DLC1: variants seen among roughly 807,000 people sequenced by gnomAD.
DLC1 encodes the protein DLC1 Rho GTPase activating protein.
Under a neutral mutation model 140.3 loss-of-function variants are expected in DLC1, and 54 were observed. The observed-to-expected ratio is 0.38, with a 90% CI of 0.31 to 0.48. The LOEUF (loss-of-function observed/expected upper bound fraction) is 0.48, where lower values mean the gene tolerates loss of function less well. Ranked by LOEUF, DLC1 falls within the 20% of genes least tolerant of loss-of-function variation. The pLI, the probability that DLC1 is intolerant of heterozygous loss-of-function variation, is 0.96. For synonymous variants in DLC1, 986 were observed against 728.1 expected, an observed-to-expected ratio of 1.35 and a Z score of -5.70; for missense variants, 2,536 against 1,907.0, an observed-to-expected ratio of 1.33 and a Z score of -6.14.
chr8:13,269,267 C>T (rs1221464400), intron 5 of DLC1, among the ~76,000 whole-genome samples: 2 of 152,132 alleles, frequency 1.3e-5, no homozygotes, highest in Admixed American at 1.3e-4. Context: ...AATTATGGGG[C>T]TGAATAACTG....
At chr8:13,558,146 T>C (rs1804117236) in intron 1 of DLC1, 1 of 152,254 alleles carries the variant, frequency 6.6e-6, no homozygotes, top group Non-Finnish European at 1.5e-5. Context: ...TTTCAGCAGC[T>C]GGGCTTGTGG....
intron 4 of DLC1, among the ~76,000 whole-genome samples, chr8:13,371,842 C>T (rs1022070901): frequency 4.6e-5 from 7 of 152,228 alleles, no homozygotes; most frequent in African/African-American, 1.7e-4. Flanking sequence ...ATGCATGGCA[C>T]ACAGTAGGCA....
intron 5 of DLC1, among the ~76,000 whole-genome samples, chr8:13,277,850 C>A (rs1371091012): frequency 6.6e-6 from 1 of 152,100 alleles, no homozygotes; most frequent in Non-Finnish European, 1.5e-5. Flanking sequence ...CATGCAAATG[C>A]TAATTATTAC....
At chr8:13,284,786 T>G (rs1333621216) in intron 5 of DLC1, among the ~76,000 whole-genome samples, 3 of 152,104 alleles carry the variant, frequency 2.0e-5, no homozygotes, top group Non-Finnish European at 4.4e-5. Flanking sequence ...CCATGCATGA[T>G]TAAAAATATG....
At chr8:13,267,158 G>C (rs1830720383) in intron 5 of DLC1, among the ~76,000 whole-genome samples, 1 of 152,182 alleles carries the variant, frequency 6.6e-6, no homozygotes, top group Non-Finnish European at 1.5e-5. Context: ...TTTCGTCAGT[G>C]AAACATTAGT....
chr8:13,263,165 C>G (rs973476460), intron 5 of DLC1, among the ~76,000 whole-genome samples: 9 of 151,968 alleles, frequency 5.9e-5, no homozygotes, highest in Non-Finnish European at 1.3e-4. Flanking sequence ...TCCACTTGTT[C>G]AAGGGAATCT....
chr8:13,275,847 G>T (rs913716146), intron 5 of DLC1, among the ~76,000 whole-genome samples: 8 of 152,128 alleles, frequency 5.3e-5, no homozygotes, highest in African/African-American at 1.9e-4. Context: ...CTGCACACAC[G>T]CCAGGGCACC....
intron 5 of DLC1, among the ~76,000 whole-genome samples, chr8:13,258,592 A>G (rs1830350488): frequency 6.6e-6 from 1 of 152,200 alleles, no homozygotes; most frequent in African/African-American, 2.4e-5. Flanking sequence ...CCAGTTACCT[A>G]TTATTTTGAG....
At chr8:13,270,854 A>G (rs884060) in intron 5 of DLC1, among the ~76,000 whole-genome samples, 1 of 152,046 alleles carries the variant, frequency 6.6e-6, no homozygotes, top group Admixed American at 6.6e-5. Context: ...CTGAAACTGA[A>G]GGAATGCTTA....
rs990274698 is a variant in DLC1 at position 13,389,963 on chromosome 8, G to T, written c.1314+3590C>A. On this transcript the variant is annotated intron_variant, in intron 4 of 17. Transcript: ENST00000276297. ...ACTTAAAATTAAAACTTTTGTTCAT[G>T]GTAAAAAGAACAGCTCTGTAGGATA... Among the ~76,000 whole-genome samples, 3 of 152,038 alleles carry T rather than the reference G, an allele frequency of 2.0e-5. No homozygotes were observed. The East Asian group carries it at 5.8e-4, about 29-fold the overall frequency.
chr8:13,373,127 G>A (rs1318967974), intron 4 of DLC1, among the ~76,000 whole-genome samples: 5 of 151,990 alleles, frequency 3.3e-5, no homozygotes, highest in South Asian at 2.1e-4. Context: ...GCATTCCTCC[G>A]GCCTAGATGT....
intron 5 of DLC1, among the ~76,000 whole-genome samples, chr8:13,142,324 A>G (rs963304945): frequency 6.6e-6 from 1 of 152,246 alleles, no homozygotes; most frequent in Non-Finnish European, 1.5e-5. Flanking sequence ...CAGTAGAGAA[A>G]GGATTAGATC....
At chr8:13,484,082 A>G (rs1199149343) in intron 2 of DLC1, among the ~76,000 whole-genome samples, 2 of 152,168 alleles carry the variant, frequency 1.3e-5, no homozygotes, top group African/African-American at 4.8e-5. Flanking sequence ...TCTGTCTCAA[A>G]ATAAATAAAC....
At chr8:13,358,020 CTG>C (rs1835029101) in intron 4 of DLC1, among the ~76,000 whole-genome samples, 1 of 152,016 alleles carries the variant, frequency 6.6e-6, no homozygotes, top group Non-Finnish European at 1.5e-5. Context: ...ATAGATAAAA[CTG>C]TATAAAATTA....
intron 2 of DLC1, among the ~76,000 whole-genome samples, chr8:13,440,426 C>T (rs541226848): frequency 6.6e-6 from 1 of 152,176 alleles, no homozygotes; most frequent in African/African-American, 2.4e-5. Flanking sequence ...TCTCAAATTT[C>T]CTGTCCCAGC....
rs530041611 is a variant in DLC1, at chr8:13,375,436, C to A, written c.1314+18117G>T. Among the ~76,000 whole-genome samples, 88 of 152,280 alleles carry A rather than the reference C, an allele frequency of 5.8e-4. 2 individuals carry two copies. Among genetic ancestry groups the A allele is most frequent in the Middle Eastern group, 3.4e-3 (1 of 294 alleles). On this transcript the variant is annotated intron_variant, in intron 4 of 17. Transcript: ENST00000276297. ...GAGACGTTGGAGTTTTCTAGATATA[C>A]AATCATGTCATCTGCAAACAGGGAC... is the stretch of plus-strand genomic sequence containing the variant.
intron 5 of DLC1, among the ~76,000 whole-genome samples, chr8:13,171,919 C>T (rs116950032): frequency 0.011 from 1,717 of 152,214 alleles, 13 homozygotes; most frequent in South Asian, 0.036. Flanking sequence ...ATGAATCCTA[C>T]GGCTACGGGT....
intron 2 of DLC1, among the ~76,000 whole-genome samples, chr8:13,417,721 T>C (rs183856729): frequency 1.1e-3 from 174 of 152,312 alleles, no homozygotes; most frequent in African/African-American, 4.1e-3. Flanking sequence ...TTTGGGTTCA[T>C]ACCCAGTAAT....
At chr8:13,601,795 A>G (rs547075393) in intron 1 of DLC1, among the ~76,000 whole-genome samples, 2 of 151,802 alleles carry the variant, frequency 1.3e-5, no homozygotes, top group South Asian at 4.1e-4. Context: ...ATGCAATCAT[A>G]TATAACAACA....
Sources: allele counts gnomAD v4.1 joint callset (sites outside exome capture counted in the v4.1 genomes callset), GRCh38; gene constraint gnomAD v4.1.1; transcripts MANE v1.5; gene names NCBI Gene and HGNC (gene_info 2026-07-23, HGNC 2026-07-21).